FILIP1L: variants seen among roughly 807,000 people sequenced by gnomAD.
The protein encoded by FILIP1L is filamin A interacting protein 1 like, also known as filamin A-interacting protein 1-like.
Under a neutral mutation model 96.6 loss-of-function variants are expected in FILIP1L, and 55 were observed. The ratio of observed to expected loss-of-function variants is 0.57; its 90% CI spans 0.46 to 0.71. The LOEUF (loss-of-function observed/expected upper bound fraction) is 0.71. FILIP1L is among the 30% of genes least tolerant of loss of function. FILIP1L has a pLI of 0.00. For missense variants in FILIP1L, 1,304 were observed against 1,321.2 expected (o/e 0.99, Z 0.20); for synonymous variants, 467 against 473.9 (o/e 0.99, Z 0.19).
At chr3:99,992,625 C>T (rs1198345966) in intron 1 of FILIP1L, among the ~76,000 whole-genome samples, 1 of 151,240 alleles carries the variant, frequency 6.6e-6, no homozygotes, top group African/African-American at 2.4e-5. Context: ...GTCTTTTTGC[C>T]CTGTTGATTA....
chr3:100,105,983 G>A (rs1050477361), intron 1 of FILIP1L, among the ~76,000 whole-genome samples: 1 of 152,152 alleles, frequency 6.6e-6, no homozygotes, highest in Non-Finnish European at 1.5e-5. Flanking sequence ...CCATCAGATG[G>A]TGTGGACAGA....
chr3:99,946,920 A>C (rs1001228274), intron 1 of FILIP1L, among the ~76,000 whole-genome samples: 19 of 152,122 alleles, frequency 1.2e-4, no homozygotes, highest in African/African-American at 3.9e-4. Context: ...GGATCTCCTG[A>C]GGTCTGGAGT....
Position 99,843,597 on chromosome 3 carries a change from A to T in FILIP1L, c.3381+4698T>A, listed in dbSNP as rs546128961. On this transcript the variant is annotated intron_variant, in intron 5 of 5. Coordinates refer to ENST00000477258, the MANE Select transcript of FILIP1L (RefSeq NM_001387850.1). ...GAGTTGAAAATATTAAAAGTTGAAA[A>T]TATGTTTAATACACCTAACCTACTG... 5.3e-5 allele frequency among the ~76,000 whole-genome samples: 8 copies of T among 152,312 alleles called. No individual in the cohort carries two copies. The South Asian group carries it at 1.7e-3, about 32-fold the overall frequency.
At chr3:99,912,096 C>G (rs1268782632) in intron 4 of FILIP1L, among the ~76,000 whole-genome samples, 2 of 152,156 alleles carry the variant, frequency 1.3e-5, no homozygotes, top group African/African-American at 2.4e-5. Context: ...TTATATCTAT[C>G]TTGTTGGTCA....
At chr3:99,942,828 C>CA (rs55862003) in intron 1 of FILIP1L, among the ~76,000 whole-genome samples, 1,265 of 125,608 alleles carry the variant, frequency 0.01, 18 homozygotes, top group African/African-American at 0.03. Context: ...GACTCTGTCT[C>CA]AAAAAAAAAA....
At chr3:100,101,497 C>T (rs529120123) in intron 1 of FILIP1L, among the ~76,000 whole-genome samples, 19 of 152,276 alleles carry the variant, frequency 1.2e-4, no homozygotes, top group African/African-American at 4.3e-4. Flanking sequence ...CACAACCTTG[C>T]TTTCGGTGAA....
chr3:100,053,897 T>C (rs1019948039), intron 1 of FILIP1L, among the ~76,000 whole-genome samples: 3 of 152,250 alleles, frequency 2.0e-5, no homozygotes, highest in African/African-American at 7.2e-5. Context: ...TGCAGCTTCC[T>C]ACTAGAATCA....
At chr3:100,016,845 C>A (rs755441460) in intron 1 of FILIP1L, among the ~76,000 whole-genome samples, 3 of 152,204 alleles carry the variant, frequency 2.0e-5, no homozygotes, top group Non-Finnish European at 2.9e-5. Context: ...ATGCAGATTT[C>A]ATGACATCTT....
In FILIP1L at chr3:99,955,392, G is replaced by T. The variant is rs545087586; in HGVS notation, c.-10-24362C>A. 2.1e-4 allele frequency among the ~76,000 whole-genome samples: 32 copies of T among 152,270 alleles called. No homozygotes were observed. In the South Asian group the frequency reaches 5.8e-3, roughly 28 times the overall value. The stretch of plus-strand genomic sequence containing the variant: ...ACATTTTTAAAAGATGAAAACAAAG[G>T]CTAGATAATTGATTTTTTTAGCGAA... On this transcript the variant is annotated intron_variant, in intron 1 of 5. Coordinates refer to ENST00000477258, the MANE Select transcript of FILIP1L (RefSeq NM_001387850.1).
intron 1 of FILIP1L, among the ~76,000 whole-genome samples, chr3:100,080,360 C>T (rs1008965604): frequency 6.6e-6 from 1 of 152,104 alleles, no homozygotes; most frequent in Non-Finnish European, 1.5e-5. Flanking sequence ...TCTGACTCTC[C>T]CTGAACAAAC....
intron 5 of FILIP1L, among the ~76,000 whole-genome samples, chr3:99,835,795 A>G (rs919828040): frequency 1.3e-5 from 2 of 152,256 alleles, no homozygotes; most frequent in Non-Finnish European, 2.9e-5. Flanking sequence ...AATTACAGAC[A>G]GCAGTTTTGG....
At chr3:99,982,908 A>G (rs1468235723) in intron 1 of FILIP1L, among the ~76,000 whole-genome samples, 1 of 152,178 alleles carries the variant, frequency 6.6e-6, no homozygotes, top group Non-Finnish European at 1.5e-5. Context: ...GCTGTGTTAA[A>G]CATGTTTTTT....
At chr3:99,899,945 G>A (rs141601656) in intron 4 of FILIP1L, among the ~76,000 whole-genome samples, 43 of 152,250 alleles carry the variant, frequency 2.8e-4, no homozygotes, top group African/African-American at 1.0e-3. Flanking sequence ...CATTCCTAAG[G>A]TGCTAAATAC....
At chr3:99,944,585 G>A (rs1007260528) in intron 1 of FILIP1L, among the ~76,000 whole-genome samples, 3 of 152,206 alleles carry the variant, frequency 2.0e-5, no homozygotes, top group Admixed American at 1.3e-4. Context: ...TGCACTTTAT[G>A]GGTTAAAGTA....
chr3:100,108,757 C>T (rs1183332682), intron 1 of FILIP1L, among the ~76,000 whole-genome samples: 1 of 152,130 alleles, frequency 6.6e-6, no homozygotes, highest in Non-Finnish European at 1.5e-5. Flanking sequence ...ATGTATGCCC[C>T]TTCCAAACAT....
chr3:100,081,365 C>T (rs1453235984), intron 1 of FILIP1L, among the ~76,000 whole-genome samples: 1 of 152,164 alleles, frequency 6.6e-6, no homozygotes, highest in East Asian at 1.9e-4. Flanking sequence ...TCAGTTTATG[C>T]TTTTGGAAAC....
intron 1 of FILIP1L, among the ~76,000 whole-genome samples, chr3:100,015,565 T>C (rs1710317613): frequency 6.6e-6 from 1 of 152,252 alleles, no homozygotes; most frequent in Non-Finnish European, 1.5e-5. Context: ...TACACATTCT[T>C]GGTTTCAAGT....
At chr3:99,847,224 CA>C (rs749004894) in intron 5 of FILIP1L, among the ~76,000 whole-genome samples, 9,975 of 142,500 alleles carry the variant, frequency 0.07, 449 homozygotes, top group Middle Eastern at 0.11. Flanking sequence ...GAGGTTAAAA[CA>C]AAAAAAAAAA....
chr3:100,104,226 G>T (rs1212350731), intron 1 of FILIP1L, among the ~76,000 whole-genome samples: 1 of 152,186 alleles, frequency 6.6e-6, no homozygotes, highest in Non-Finnish European at 1.5e-5. Flanking sequence ...GCTTGCTCAG[G>T]CAAAGCATCT....
Sources: gnomAD v4.1 joint callset for allele counts (sites outside exome capture counted in the v4.1 genomes callset) on GRCh38, gnomAD v4.1.1 for gene constraint, MANE v1.5 for transcripts, NCBI Gene and HGNC (gene_info 2026-07-23, HGNC 2026-07-21) for gene names.